Variants in GIGYF2 observed in about 807,000 individuals in gnomAD.
GIGYF2 encodes GRB10 interacting GYF protein 2.
A neutral mutation model predicts 208.1 loss-of-function variants in GIGYF2; 25 were observed. That is an observed-to-expected ratio of 0.12 (90% CI 0.09 to 0.17). The LOEUF (loss-of-function observed/expected upper bound fraction) is 0.17, where lower values mean the gene tolerates loss of function less well. GIGYF2 is among the 10% of genes least tolerant of loss of function. The pLI is 1.00. For missense variants in GIGYF2, 1,302 were observed against 1,579.4 expected (o/e 0.82, Z 2.98); for synonymous variants, 534 against 543.8 (o/e 0.98, Z 0.25).
At chr2:232,824,385 G>A (rs770301036) in intron 21 of GIGYF2, among the ~76,000 whole-genome samples, 1 of 152,220 alleles carries the variant, frequency 6.6e-6, no homozygotes, top group Non-Finnish European at 1.5e-5. Context: ...TGCTACTCCA[G>A]TGAACACATG....
chr2:232,700,235 C>T (rs1695782315), intron 1 of GIGYF2, among the ~76,000 whole-genome samples: 1 of 152,322 alleles, frequency 6.6e-6, no homozygotes, highest in East Asian at 1.9e-4. Context: ...AGTGTTTTAA[C>T]TAATTGCCTT....
At chr2:232,847,290 G>A in intron 26 of GIGYF2, 58 bp from the exon 27 acceptor site, 1 of 1,577,104 alleles carries the variant, frequency 6.3e-7, no homozygotes, top group South Asian at 1.1e-5. Context: ...ACTGATTTTT[G>A]TAAGTTCTCT....
chr2:232,832,810 C>A, intron 21 of GIGYF2, 47 bp from the exon 22 acceptor site: 1 of 1,401,652 alleles, frequency 7.1e-7, no homozygotes, highest in South Asian at 1.3e-5. Context: ...ATTTTTCCCC[C>A]CACAATTAAT....
At chr2:232,772,544 G>T (rs1699310862) in intron 8 of GIGYF2, among the ~76,000 whole-genome samples, 1 of 152,164 alleles carries the variant, frequency 6.6e-6, no homozygotes, top group Non-Finnish European at 1.5e-5. Flanking sequence ...TTCATCAGTG[G>T]TTATCCTTTT....
intron 18 of GIGYF2, among the ~76,000 whole-genome samples, chr2:232,814,511 C>T (rs948508807): frequency 1.4e-5 from 2 of 142,116 alleles, no homozygotes; most frequent in Non-Finnish European, 3.0e-5. Flanking sequence ...TGCAGTGAGC[C>T]GAGATCACGC....
chr2:232,823,363 C>CTTT lies in GIGYF2; in HGVS notation c.2529+3379_2529+3381dup, dbSNP rs368386641. On this transcript the variant is annotated intron_variant, in intron 21 of 28. Transcript: ENST00000373563. ...TTTTCTTTCTCTTTTTCCTTTCTTT[C>CTTT]TTTCTTTTTTTTTTTTTTTATTGAG... Among the ~76,000 whole-genome samples, 24 of 83,628 alleles carry CTTT rather than the reference C, an allele frequency of 2.9e-4. 2 individuals carry two copies. Among genetic ancestry groups the CTTT allele is most frequent in the African/African-American group, 5.0e-4 (11 of 22,022 alleles). The allele number at this position is 83,628 out of a possible 152,430, so 54.9% of individuals were successfully genotyped here. A position where few individuals can be genotyped will look rare whatever the true frequency, so the allele number is the denominator to read the frequency against.
At chr2:232,700,365 CTTT>C (rs1483116692) in intron 1 of GIGYF2, among the ~76,000 whole-genome samples, 2 of 152,154 alleles carry the variant, frequency 1.3e-5, no homozygotes, top group Non-Finnish European at 2.9e-5. Context: ...TGTCTCTTCT[CTTT>C]TTGTTGACCT....
At chr2:232,783,324 T>A (rs181417848) in intron 8 of GIGYF2, among the ~76,000 whole-genome samples, 28 of 152,344 alleles carry the variant, frequency 1.8e-4, no homozygotes, top group African/African-American at 6.5e-4. Flanking sequence ...TAGACCTGGT[T>A]TCAGATTCTG....
Position 232,720,583 on chromosome 2 carries a change from A to ATATAT in GIGYF2, c.-43-14571_-43-14570insATATT, listed in dbSNP as rs376956632. On this transcript the variant is annotated intron_variant, in intron 2 of 28. Transcript: ENST00000373563. ...CAGTGTAATATATATATATATATAT[A>ATATAT]TTTTTGTTTGTTTGTTTGTTTGTTT... is the stretch of plus-strand genomic sequence containing the variant. Among the ~76,000 whole-genome samples the ATATAT allele has an allele frequency of 3.7e-4, 53 of 144,988 alleles. 1 individual carries two copies. The highest frequency in any genetic ancestry group is 2.1e-3 in the South Asian group (9 of 4,236).
chr2:232,802,608 G>A (rs1700430660), intron 14 of GIGYF2, among the ~76,000 whole-genome samples: 1 of 152,034 alleles, frequency 6.6e-6, no homozygotes, highest in Non-Finnish European at 1.5e-5. Flanking sequence ...GGATTATGGT[G>A]TATAATCTTT....
chr2:232,809,738 C>A lies in GIGYF2; in HGVS notation c.1825C>A (p.Arg609=). The change falls in exon 16 of 29, where the codon CGA becomes AGA. Residue 609 remains arginine, a synonymous_variant. Transcript: ENST00000373563. ...PPHMGELDQE[R]LTRQQELTAL... is the part of the protein sequence containing the mutation. ...TTCCTAGGGAGAGCTGGACCAGGAA[C>A]GACTGACCAGGCAGCAAGAACTCAC... 4 of 1,607,620 alleles carry A rather than the reference C, an allele frequency of 2.5e-6. No individual in the cohort carries two copies. Among genetic ancestry groups the A allele is most frequent in the Non-Finnish European group, 2.6e-6 (3 of 1,174,082 alleles).
chr2:232,718,930 C>G (rs1445612131), intron 2 of GIGYF2: 1 of 151,854 alleles, frequency 6.6e-6, no homozygotes, highest in Non-Finnish European at 1.5e-5. Context: ...GGACTCCATC[C>G]CAAATTTTGC....
Position 232,853,706 on chromosome 2 carries a change from CAT to C in GIGYF2, c.3833-3086_3833-3085del, listed in dbSNP as rs1690446206. ...ACAACCTCACAAATCTTAAAGAACTCATGTGAGTGAGACTATGCTCTGAACCT... is the reference window on the plus strand; with the variant it reads ...ACAACCTCACAAATCTTAAAGAACTCGTGAGTGAGACTATGCTCTGAACCT... On this transcript the variant is annotated intron_variant, in intron 28 of 28. Coordinates refer to ENST00000373563, the MANE Select transcript of GIGYF2 (RefSeq NM_001103146.3). Among the ~76,000 whole-genome samples the C allele has an allele frequency of 1.3e-5, 2 of 152,212 alleles. 1 individual carries two copies. The highest frequency in any genetic ancestry group is 4.1e-4 in the South Asian group (2 of 4,828).
chr2:232,733,802 G>A (rs1003119411), intron 2 of GIGYF2, among the ~76,000 whole-genome samples: 2 of 152,114 alleles, frequency 1.3e-5, no homozygotes, highest in Non-Finnish European at 2.9e-5. Flanking sequence ...TAAATGCTGT[G>A]TAAATAGTTG....
intron 6 of GIGYF2, chr2:232,760,256 T>C (rs1030640501): frequency 2.0e-6 from 1 of 505,902 alleles, no homozygotes; most frequent in Non-Finnish European, 3.6e-6. Flanking sequence ...TATTGCATTA[T>C]ATTATGTTAG....
intron 1 of GIGYF2, among the ~76,000 whole-genome samples, chr2:232,700,927 C>G (rs1057261116): frequency 1.2e-4 from 19 of 152,072 alleles, no homozygotes; most frequent in Admixed American, 6.6e-5. Context: ...CTCTTTAAAA[C>G]TAGAGATTTT....
At chr2:232,810,574 A>G (rs1700705118) in intron 16 of GIGYF2, 1 of 153,414 alleles carries the variant, frequency 6.5e-6, no homozygotes, top group Non-Finnish European at 1.5e-5. Context: ...CCTTTGGGCT[A>G]AATCTGGCCT....
intron 6 of GIGYF2, chr2:232,760,259 TATG>T: frequency 1.9e-6 from 1 of 514,316 alleles, no homozygotes; most frequent in South Asian, 2.2e-5. Context: ...TGCATTATAT[TATG>T]TTAGTTTTTT....
At position 232,759,370 on chromosome 2, in the gene GIGYF2, CCT is replaced by C. The variant is rs1172582007; in HGVS notation, c.380-1106_380-1105del. Among the ~76,000 whole-genome samples, 13 of 151,988 alleles carry C rather than the reference CCT, an allele frequency of 8.6e-5. No individual in the cohort carries two copies. The East Asian group carries it at 2.3e-3, about 27-fold the overall frequency. On this transcript the variant is annotated intron_variant, in intron 6 of 28. Coordinates refer to ENST00000373563, the MANE Select transcript of GIGYF2 (RefSeq NM_001103146.3). The stretch of plus-strand genomic sequence containing the variant: ...CTTGGACCCCCACCCCTCCTCCCCT[CCT>C]CTCATTTTCTCACCTGTGTATTGAA...
Sources: gnomAD v4.1 joint callset for allele counts (sites outside exome capture counted in the v4.1 genomes callset) on GRCh38, gnomAD v4.1.1 for gene constraint, MANE v1.5 for transcripts, NCBI Gene and HGNC (gene_info 2026-07-23, HGNC 2026-07-21) for gene names.